Variants in CCDC51 observed in about 807,000 individuals in gnomAD.
The protein encoded by CCDC51 is coiled-coil domain containing 51.
CCDC51 carries 25 observed loss-of-function variants against 24.8 expected under a neutral mutation model. That is an observed-to-expected ratio of 1.01 (90% CI 0.73 to 1.41). The LOEUF (loss-of-function observed/expected upper bound fraction) is 1.41. Among genes scored for constraint, CCDC51 ranks in the 40% most tolerant of loss-of-function variants. The probability of loss-of-function intolerance (pLI) is 0.00; values close to 1 mark genes in which losing one functional copy is unlikely to be tolerated. For missense variants in CCDC51, 466 were observed against 519.1 expected (o/e 0.90, Z 0.99); for synonymous variants, 190 against 204.3 (o/e 0.93, Z 0.60).
At chr3:48,436,913 C>G (rs2039373049) in intron 1 of CCDC51, among the ~76,000 whole-genome samples, 1 of 152,218 alleles carries the variant, frequency 6.6e-6, no homozygotes, top group Non-Finnish European at 1.5e-5. Flanking sequence ...GCCCAAGGCC[C>G]TGTAACACAA....
At chr3:48,441,147 C>T (rs2039553631), upstream of CCDC51, 1 of 153,954 alleles carries the variant, frequency 6.5e-6, no homozygotes, top group Non-Finnish European at 1.4e-5. Context: ...TCCCAAGTAG[C>T]TGGGATTACA....
In CCDC51 at chr3:48,435,056, G is replaced by C. The variant is rs1312165906; in HGVS notation, c.73C>G (p.Leu25Val). ...GVPHVLVRRG[L>V]LGRDLFMTRT... The stretch of plus-strand genomic sequence containing the variant: ...GTCATGAAGAGGTCCCTTCCAAGGA[G>C]GCCCCTCCGAACCAGTACGTGGGGC... Residue 25 changes from leucine to valine, a missense_variant, in exon 2 of 4, where the codon CTC (leucine) becomes GTC (valine). Leu to Val is a conservative substitution (Grantham distance 32). Coordinates refer to ENST00000395694, the MANE Select transcript of CCDC51 (RefSeq NM_001256964.2). The surrounding 1 kb of genome is among the most constrained non-coding windows in gnomAD (Gnocchi z 4.2). The C allele has an allele frequency of 1.2e-6, 2 of 1,613,790 alleles. No individual in the cohort carries two copies. Among genetic ancestry groups the C allele is most frequent in the Non-Finnish European group, 1.7e-6 (2 of 1,179,888 alleles).
In CCDC51 at chr3:48,437,489, C is replaced by T. The variant is rs1191331428; in HGVS notation, c.-8-2353G>A. On this transcript the variant is annotated intron_variant, in intron 1 of 3. Transcript: ENST00000395694. This position sits in a 1 kb window ranked among gnomAD's most constrained non-coding sequence, Gnocchi z 4.2. ...TGGCAAAGAGAAAAGGTGGAAAGTG[C>T]TTGAGGTCGCCCAAAACCTGAAAGG... is the stretch of plus-strand genomic sequence containing the variant. 6.6e-6 allele frequency among the ~76,000 whole-genome samples: 1 copy of T among 152,088 alleles called. No individual in the cohort carries two copies. Among genetic ancestry groups the T allele is most frequent in the Non-Finnish European group, 1.5e-5 (1 of 68,026 alleles).
chr3:48,442,585 G>A (rs1000591725), upstream of CCDC51, among the ~76,000 whole-genome samples: 2 of 151,592 alleles, frequency 1.3e-5, no homozygotes, highest in Non-Finnish European at 2.9e-5. Context: ...CTGAGTAGCT[G>A]GGATTACAGG....
At position 48,432,330 on chromosome 3, in the gene CCDC51, C is replaced by CG. The variant is rs1447923380; in HGVS notation, c.*77dup. 4 of 1,549,154 alleles carry CG rather than the reference C, an allele frequency of 2.6e-6. No individual in the cohort carries two copies. Among genetic ancestry groups the CG allele is most frequent in the Non-Finnish European group, 3.5e-6 (4 of 1,138,176 alleles). ...GAGGTTGTACATGCCCCCAAAGGCT[C>CG]GCTTCATTGCTACGATTCTCTACTT... On this transcript the variant is annotated 3_prime_UTR_variant, in exon 4 of 4. Transcript: ENST00000395694.
At chr3:48,443,337 C>G (rs1202762486), upstream of CCDC51, among the ~76,000 whole-genome samples, 2 of 150,864 alleles carry the variant, frequency 1.3e-5, no homozygotes, top group Admixed American at 6.6e-5. Flanking sequence ...CACCTGAGGT[C>G]AGGAGTTCGA....
upstream of CCDC51, chr3:48,440,285 G>T (rs765641351): frequency 6.2e-7 from 1 of 1,601,752 alleles, no homozygotes; most frequent in Non-Finnish European, 8.5e-7. Flanking sequence ...TGGGGAAGCG[G>T]CGGCAGGCGC....
In CCDC51 at chr3:48,437,103, C is replaced by T. The variant is rs569143965; in HGVS notation, c.-8-1967G>A. ...GTCCAGCTGGATGACTCTTCCTCCACGAGTCTACTCGGCTCACCCCGACAT... is the reference window on the plus strand; with the variant it reads ...GTCCAGCTGGATGACTCTTCCTCCATGAGTCTACTCGGCTCACCCCGACAT... On this transcript the variant is annotated intron_variant, in intron 1 of 3. Transcript: ENST00000395694. This position sits in a 1 kb window ranked among gnomAD's most constrained non-coding sequence, Gnocchi z 4.2. 5.8e-4 allele frequency among the ~76,000 whole-genome samples: 88 copies of T among 152,292 alleles called. No individual in the cohort carries two copies. Among genetic ancestry groups the T allele is most frequent in the Non-Finnish European group, 1.1e-3 (73 of 68,024 alleles).
At position 48,433,735 on chromosome 3, in the gene CCDC51, A is replaced by G; in HGVS notation, c.449T>C (p.Leu150Pro). ...CAGCATCCTGTGCTCGAGAGTAGCC[A>G]GTTCCAAGTACTGACTGTCCTCCCT... ...VSREDSQYLE[L>P]ATLEHRMLQE... Residue 150 changes from leucine (L) to proline (P), a missense_variant, in exon 3 of 4, where the codon CTG becomes CCG. Transcript: ENST00000395694. This position sits in a 1 kb window ranked among gnomAD's most constrained non-coding sequence, Gnocchi z 4.4. The G allele has an allele frequency of 6.2e-7, 1 of 1,613,978 alleles. No individual in the cohort carries two copies. The highest frequency in any genetic ancestry group is 8.5e-7 in the Non-Finnish European group (1 of 1,179,938).
intron 2 of CCDC51, 58 bp downstream of exon 2, chr3:48,434,759 G>C (rs1490410187): frequency 6.7e-7 from 1 of 1,483,940 alleles, no homozygotes; most frequent in African/African-American, 1.4e-5. Flanking sequence ...CACGTGACTG[G>C]TTTGGCACAT....
rs753161326 is a variant in CCDC51, at chr3:48,433,001, C to CA, written c.642dup (p.Gly215TrpfsTer40). 6 of 1,614,234 alleles carry CA rather than the reference C, an allele frequency of 3.7e-6. No individual in the cohort carries two copies. The East Asian group carries it at 1.3e-4, about 36-fold the overall frequency. On this transcript the variant is annotated frameshift_variant, in exon 4 of 4. Coordinates refer to ENST00000395694, the MANE Select transcript of CCDC51 (RefSeq NM_001256964.2). LOFTEE classifies it high-confidence loss of function. This position sits in a 1 kb window ranked among gnomAD's most constrained non-coding sequence, Gnocchi z 4.4. ...TTCACATAGGTGGAGCCAGCCACACCAATCAGGGCCCCCAGGACTGAGCCA... is the reference window on the plus strand; with the variant it reads ...TTCACATAGGTGGAGCCAGCCACACCAAATCAGGGCCCCCAGGACTGAGCCA...
the CCDC51 span, among the ~76,000 whole-genome samples, chr3:48,445,936 C>T: frequency 2.0e-5 from 3 of 152,152 alleles, no homozygotes; most frequent in South Asian, 2.1e-4. Flanking sequence ...GAAGCTTTAC[C>T]TCTGTTCGCC....
In CCDC51 at chr3:48,432,281, AC is replaced by A; in HGVS notation, c.*126del. The stretch of plus-strand genomic sequence containing the variant: ...AGCGAAGCATGCCTGCTGGTGAGCC[AC>A]ACAGATACTGCTCCTTCAGATTGAG... On this transcript the variant is annotated 3_prime_UTR_variant, in exon 4 of 4. Coordinates refer to ENST00000395694, the MANE Select transcript of CCDC51 (RefSeq NM_001256964.2). The A allele has an allele frequency of 9.1e-7, 1 of 1,097,910 alleles. No individual in the cohort carries two copies. Among genetic ancestry groups the A allele is most frequent in the Non-Finnish European group, 1.3e-6 (1 of 769,910 alleles). 68.0% of individuals were successfully genotyped at this position (1,097,910 alleles called of 1,614,324 possible).
chr3:48,441,670 C>A (rs1486756033), upstream of CCDC51, among the ~76,000 whole-genome samples: 3 of 152,166 alleles, frequency 2.0e-5, no homozygotes, highest in Non-Finnish European at 4.4e-5. Context: ...AGGAGAAATT[C>A]ATTACATTTC....
At position 48,432,950 on chromosome 3, in the gene CCDC51, C is replaced by A. The variant is rs777879705; in HGVS notation, c.694G>T (p.Ala232Ser). 1 of 1,614,136 alleles carries A rather than the reference C, an allele frequency of 6.2e-7. No individual in the cohort carries two copies. Among genetic ancestry groups the A allele is most frequent in the Non-Finnish European group, 8.5e-7 (1 of 1,180,038 alleles). Residue 232 changes from alanine (A) to serine (S), a missense_variant, in exon 4 of 4, where the codon GCT (alanine) becomes TCT (serine). Coordinates refer to ENST00000395694, the MANE Select transcript of CCDC51 (RefSeq NM_001256964.2). ...CCCTTCTGCGCCTCCAGGAGTAAAG[C>A]CTTCAGCTCCTGTAGTCGCACACGG... ...VNRVRLQELK[A>S]LLLEAQKGPV...
Position 48,432,463 on chromosome 3 carries a change from C to G in CCDC51, c.1181G>C (p.Cys394Ser), listed in dbSNP as rs774224962. The stretch of plus-strand genomic sequence containing the variant: ...AGGCAGTGTGGCCACAAATGTCACA[C>G]AGGTGACCAGGGTGCTATAGATGGT... ...RNTIYSTLVT[C>S]VTFVATLPVL... is the part of the protein sequence containing the mutation. Residue 394 changes from cysteine to serine, a missense_variant, in exon 4 of 4, where the codon TGT becomes TCT. Cys to Ser is a moderately radical substitution (Grantham distance 112). Coordinates refer to ENST00000395694, the MANE Select transcript of CCDC51 (RefSeq NM_001256964.2). The G allele has an allele frequency of 9.9e-6, 16 of 1,614,116 alleles. No individual in the cohort carries two copies. The African/African-American group carries it at 1.5e-4, about 15-fold the overall frequency.
At chr3:48,440,312 G>A (rs771370569), upstream of CCDC51, 4 of 1,609,668 alleles carry the variant, frequency 2.5e-6, no homozygotes, top group Non-Finnish European at 3.4e-6. Flanking sequence ...CGGCCGCGAA[G>A]GTAAGTGTTC....
At chr3:48,442,194 C>G (rs181577084), upstream of CCDC51, among the ~76,000 whole-genome samples, 5 of 150,668 alleles carry the variant, frequency 3.3e-5, no homozygotes, top group East Asian at 9.8e-4. Flanking sequence ...CACGGGAGTT[C>G]AGGCTGTAGT....
In CCDC51 at chr3:48,435,134, G is replaced by T. The variant is rs1281517948; in HGVS notation, c.-6C>A. The T allele has an allele frequency of 3.2e-6, 5 of 1,564,062 alleles. 1 individual carries two copies. The South Asian group carries it at 6.1e-5, about 19-fold the overall frequency. Reference sequence around the variant, plus strand: ...CCAGGGCTGCGCCCCATCATCCTGAGATCTGTGAGGGGGACGCCAGACAGG... The same window carrying T: ...CCAGGGCTGCGCCCCATCATCCTGATATCTGTGAGGGGGACGCCAGACAGG... On this transcript the variant is annotated splice_region_variant and 5_prime_UTR_variant, in exon 2 of 4. Coordinates refer to ENST00000395694, the MANE Select transcript of CCDC51 (RefSeq NM_001256964.2). The surrounding 1 kb of genome is among the most constrained non-coding windows in gnomAD (Gnocchi z 4.2).
Sources: gnomAD v4.1 joint callset for allele counts (sites outside exome capture counted in the v4.1 genomes callset) on GRCh38, gnomAD v4.1.1 for gene constraint, Gnocchi (gnomAD v3.1) non-coding constraint, MANE v1.5 for transcripts, NCBI Gene and HGNC (gene_info 2026-07-23, HGNC 2026-07-21) for gene names.